Variants in RNF217 observed in about 807,000 individuals in gnomAD.
RNF217 encodes ring finger protein 217.
Under a neutral mutation model 57.8 loss-of-function variants are expected in RNF217, and 31 were observed. That is an observed-to-expected ratio of 0.54 (90% CI 0.40 to 0.72). The LOEUF is 0.72. RNF217 is among the 30% of genes least tolerant of loss of function. The pLI, the probability that RNF217 is intolerant of heterozygous loss-of-function variation, is 0.00. For synonymous variants in RNF217, 313 were observed against 294.0 expected (o/e 1.06, Z -0.66); for missense variants, 696 against 708.3 (o/e 0.98, Z 0.20).
At chr6:124,985,676 A>T (rs1018067842) in intron 1 of RNF217, among the ~76,000 whole-genome samples, 5 of 152,198 alleles carry the variant, frequency 3.3e-5, no homozygotes, top group Admixed American at 2.0e-4. Context: ...ACATAAAGCC[A>T]CAATATATTG....
intron 1 of RNF217, among the ~76,000 whole-genome samples, chr6:124,976,603 G>C (rs1783973637): frequency 6.8e-6 from 1 of 148,038 alleles, no homozygotes; most frequent in South Asian, 2.2e-4. Context: ...TCTTCATAGT[G>C]ATTCTCTTGC....
At chr6:125,033,068 G>T (rs1562478114) in intron 1 of RNF217, among the ~76,000 whole-genome samples, 1 of 151,700 alleles carries the variant, frequency 6.6e-6, no homozygotes, top group South Asian at 2.1e-4. Flanking sequence ...ATTGTCTTTT[G>T]TGAAGTACCC....
intron 1 of RNF217, among the ~76,000 whole-genome samples, chr6:125,013,378 T>C (rs1348932566): frequency 6.6e-6 from 1 of 151,398 alleles, no homozygotes; most frequent in Non-Finnish European, 1.5e-5. Flanking sequence ...TGTGTGTGTG[T>C]GTGTGTGTGT....
chr6:125,047,591 A>G (rs1351801816), intron 2 of RNF217, among the ~76,000 whole-genome samples: 1 of 152,132 alleles, frequency 6.6e-6, no homozygotes, highest in African/African-American at 2.4e-5. Context: ...ATTAAACTCA[A>G]TTGATTCCTT....
chr6:124,999,263 G>A (rs1437967313), intron 1 of RNF217, among the ~76,000 whole-genome samples: 1 of 152,124 alleles, frequency 6.6e-6, no homozygotes, highest in Non-Finnish European at 1.5e-5. Flanking sequence ...CGTGTCATGA[G>A]TTTCTAACCG....
At chr6:125,054,941 C>T (rs1237942610) in intron 2 of RNF217, among the ~76,000 whole-genome samples, 1 of 152,108 alleles carries the variant, frequency 6.6e-6, no homozygotes, top group East Asian at 1.9e-4. Flanking sequence ...AAGGCAGGCA[C>T]TCCATGTGGT....
chr6:124,993,082 A>G (rs1784622339), intron 1 of RNF217, among the ~76,000 whole-genome samples: 1 of 152,186 alleles, frequency 6.6e-6, no homozygotes, highest in African/African-American at 2.4e-5. Context: ...ATTTTGTAAT[A>G]ATTGAGTTCA....
At chr6:125,036,407 A>G (rs573068641) in intron 1 of RNF217, among the ~76,000 whole-genome samples, 1 of 152,312 alleles carries the variant, frequency 6.6e-6, no homozygotes. Context: ...GTGTCTTTAT[A>G]GTAGAATGAT....
chr6:124,996,470 A>G (rs929914853), intron 1 of RNF217: 4 of 151,896 alleles, frequency 2.6e-5, no homozygotes, highest in African/African-American at 9.7e-5. Context: ...TGTGTTGTGG[A>G]TATCTTCTAC....
intron 3 of RNF217, among the ~76,000 whole-genome samples, chr6:125,075,268 A>T (rs970177093): frequency 2.0e-5 from 3 of 152,180 alleles, no homozygotes; most frequent in Non-Finnish European, 2.9e-5. Context: ...GTAGTGAAGT[A>T]GTAGACTATT....
intron 1 of RNF217, chr6:125,009,194 T>A: frequency 6.3e-7 from 1 of 1,576,128 alleles, no homozygotes; most frequent in Non-Finnish European, 8.6e-7. Flanking sequence ...AGCACTTGAG[T>A]AAAGATAAAG....
chr6:125,040,678 C>A lies in RNF217; in HGVS notation c.883-4533C>A, dbSNP rs918399034. Among the ~76,000 whole-genome samples, 9 of 152,150 alleles carry A rather than the reference C, an allele frequency of 5.9e-5. No homozygotes were observed. The East Asian group carries it at 1.7e-3, about 29-fold the overall frequency. On this transcript the variant is annotated intron_variant, in intron 1 of 5. Transcript: ENST00000521654. ...CCAAAATCCCTCATGAACATTGAAG[C>A]GAAAATCATCAATAAAATACTGGCA... is the stretch of plus-strand genomic sequence containing the variant.
At chr6:125,039,374 G>A (rs1250972265) in intron 1 of RNF217, among the ~76,000 whole-genome samples, 1 of 152,108 alleles carries the variant, frequency 6.6e-6, no homozygotes, top group Non-Finnish European at 1.5e-5. Flanking sequence ...TAGTGGTAAA[G>A]GGATCAACAC....
chr6:125,050,878 A>G (rs187601238), intron 2 of RNF217, among the ~76,000 whole-genome samples: 1 of 151,982 alleles, frequency 6.6e-6, no homozygotes, highest in East Asian at 1.9e-4. Flanking sequence ...AGTTTCTTAA[A>G]TGGTTGTTGT....
chr6:124,970,140 TCCC>T (rs1783708432), intron 1 of RNF217, among the ~76,000 whole-genome samples: 2 of 152,146 alleles, frequency 1.3e-5, no homozygotes, highest in Non-Finnish European at 2.9e-5. Context: ...TATCTTCATT[TCCC>T]TAAAGTAAAA....
At position 125,013,070 on chromosome 6, in the gene RNF217, T is replaced by C. The variant is rs558812382; in HGVS notation, c.883-32141T>C. 6.4e-4 allele frequency among the ~76,000 whole-genome samples: 97 copies of C among 152,314 alleles called. No individual in the cohort carries two copies. In the South Asian group the frequency reaches 6.6e-3, roughly 10 times the overall value. On this transcript the variant is annotated intron_variant, in intron 1 of 5. Transcript: ENST00000521654. The stretch of plus-strand genomic sequence containing the variant: ...AGAATTGAAACATACTTGAAATAAT[T>C]GACATTTAGTTCTGATTTTTTTTCA...
intron 3 of RNF217, among the ~76,000 whole-genome samples, chr6:125,075,251 C>A (rs1243204568): frequency 6.6e-6 from 1 of 151,940 alleles, no homozygotes; most frequent in Admixed American, 6.6e-5. Context: ...GATTGGACAC[C>A]CCTGCCGTAG....
At position 124,972,589 on chromosome 6, in the gene RNF217, C is replaced by T. The variant is rs141261410; in HGVS notation, c.882+9163C>T. On this transcript the variant is annotated intron_variant, in intron 1 of 5. Transcript: ENST00000521654. ...TTCTTTCTCAACTGTCCCACTACACCTATAGAGATATTAAATTTTTTTCTT... is the reference window on the plus strand; with the variant it reads ...TTCTTTCTCAACTGTCCCACTACACTTATAGAGATATTAAATTTTTTTCTT... Among the ~76,000 whole-genome samples, 411 of 152,280 alleles carry T rather than the reference C, an allele frequency of 2.7e-3. 6 individuals are homozygous for T. Among genetic ancestry groups the T allele is most frequent in the South Asian group, 0.023 (110 of 4,824 alleles).
At chr6:124,990,606 A>T (rs1168907056) in intron 1 of RNF217, among the ~76,000 whole-genome samples, 1 of 152,114 alleles carries the variant, frequency 6.6e-6, no homozygotes, top group Admixed American at 6.6e-5. Context: ...CTTATTTTTC[A>T]TGTGTGATTG....
Sources: allele counts gnomAD v4.1 joint callset (sites outside exome capture counted in the v4.1 genomes callset), GRCh38; gene constraint gnomAD v4.1.1; transcripts MANE v1.5; gene names NCBI Gene and HGNC (gene_info 2026-07-23, HGNC 2026-07-21).